ESPNL: variants seen among roughly 807,000 people sequenced by gnomAD.
The protein encoded by ESPNL is espin like, also known as espin-like protein.
A neutral mutation model predicts 46.8 loss-of-function variants in ESPNL; 49 were observed. The observed-to-expected ratio is 1.05, with a 90% CI of 0.83 to 1.33. The LOEUF (loss-of-function observed/expected upper bound fraction) is 1.33. ESPNL is among the 40% of genes most tolerant of loss of function. The pLI is 0.00. For missense variants in ESPNL, 1,540 were observed against 1,436.6 expected (o/e 1.07, Z -1.16); for synonymous variants, 664 against 662.1 (o/e 1.00, Z -0.04).
rs1691555008 is a variant in ESPNL, at chr2:238,104,663, A to T, written c.493A>T (p.Asn165Tyr). The change falls in exon 3 of 9, where the codon AAC becomes TAC. Residue 165 changes from asparagine (N) to tyrosine (Y), a missense_variant. Transcript: ENST00000343063. ...LLTAAHGSSV[N>Y]RRTRSGASPL... ...ACCCTCCCTTCCCTGCAGCAGCGTG[A>T]ACCGGCGGACACGCAGTGGCGCCTC... 6.3e-7 allele frequency: 1 copy of T among 1,589,362 alleles called. No homozygotes were observed. The highest frequency in any genetic ancestry group is 1.7e-5 in the Admixed American group (1 of 58,274).
At position 238,130,366 on chromosome 2, in the gene ESPNL, A is replaced by G; in HGVS notation, c.1652A>G (p.Asn551Ser). ...LPEPLVSITVNSHFLPRAPGL... is the reference protein window; with the variant it reads ...LPEPLVSITVSSHFLPRAPGL... ...GAGCCCCTGGTCAGCATCACGGTCA[A>G]CAGCCACTTCCTGCCCCGGGCGCCC... Residue 551 changes from asparagine (N) to serine (S), a missense_variant, in exon 9 of 9, where the codon AAC becomes AGC. Coordinates refer to ENST00000343063, the MANE Select transcript of ESPNL (RefSeq NM_194312.4). 1.2e-6 allele frequency: 2 copies of G among 1,610,326 alleles called. No individual in the cohort carries two copies. The highest frequency in any genetic ancestry group is 2.2e-5 in the South Asian group (2 of 90,768).
At chr2:238,115,786 C>T (rs909852799) in intron 4 of ESPNL, among the ~76,000 whole-genome samples, 14 of 152,344 alleles carry the variant, frequency 9.2e-5, no homozygotes, top group Middle Eastern at 3.4e-3. Context: ...AATTCTCCTG[C>T]CTCAGCCTCC....
At chr2:238,108,990 G>A (rs1410037459) in intron 4 of ESPNL, among the ~76,000 whole-genome samples, 4 of 152,198 alleles carry the variant, frequency 2.6e-5, no homozygotes, top group South Asian at 4.2e-4. Context: ...CCCAGCTACC[G>A]CCCTTCCTCT....
intron 7 of ESPNL, 99 bp downstream of exon 7, chr2:238,127,833 C>A: frequency 1.1e-6 from 1 of 916,664 alleles, no homozygotes; most frequent in Non-Finnish European, 1.7e-6. Context: ...CACAGCCAGG[C>A]CTTTCCTGAA....
At position 238,107,986 on chromosome 2, in the gene ESPNL, T is replaced by C; in HGVS notation, c.855+13T>C. 6.2e-7 allele frequency: 1 copy of C among 1,602,968 alleles called. No homozygotes were observed. The highest frequency in any genetic ancestry group is 1.7e-5 in the Admixed American group (1 of 59,074). The stretch of plus-strand genomic sequence containing the variant: ...CGGGCAGATGGAGGTAAGGTGGGCG[T>C]GAGGGAGACAGGGTGAGCAGTCACA... On this transcript the variant is annotated intron_variant, in intron 4 of 8. Coordinates refer to ENST00000343063, the MANE Select transcript of ESPNL (RefSeq NM_194312.4).
At position 238,125,327 on chromosome 2, in the gene ESPNL, A is replaced by T; in HGVS notation, c.1045A>T (p.Thr349Ser). ...PPFPPPPLLA[T>S]RRSLEDGRRG... ...GTTCCCCCCACCTCCACTGTTGGCC[A>T]CGAGGCGCTCCCTGGAGGATGGAAG... is the stretch of plus-strand genomic sequence containing the variant. The change falls in exon 6 of 9, where the codon ACG (threonine) becomes TCG (serine). Residue 349 changes from threonine to serine, a missense_variant. Physicochemically the swap from Thr to Ser is moderately conservative, Grantham distance 58. Coordinates refer to ENST00000343063, the MANE Select transcript of ESPNL (RefSeq NM_194312.4). The T allele has an allele frequency of 6.4e-7, 1 of 1,574,150 alleles. No homozygotes were observed. The highest frequency in any genetic ancestry group is 8.6e-7 in the Non-Finnish European group (1 of 1,160,284).
intron 6 of ESPNL, chr2:238,127,346 T>C (rs1036321673): frequency 7.9e-7 from 1 of 1,257,898 alleles, no homozygotes; most frequent in African/African-American, 1.6e-5. Context: ...CTCAAGCCCT[T>C]CCCAGCTCCT....
chr2:238,106,216 G>A (rs906651880), intron 3 of ESPNL, among the ~76,000 whole-genome samples: 3 of 152,208 alleles, frequency 2.0e-5, no homozygotes, highest in Non-Finnish European at 4.4e-5. Context: ...AGTCAGGCTC[G>A]GGAGATGTTT....
intron 6 of ESPNL, among the ~76,000 whole-genome samples, chr2:238,126,034 CTG>C (rs1201034975): frequency 7.2e-6 from 1 of 138,864 alleles, no homozygotes; most frequent in African/African-American, 2.6e-5. Flanking sequence ...GTCTGTGTGT[CTG>C]TGTGATTATG....
chr2:238,127,580 C>A, intron 6 of ESPNL, 42 bp from the exon 7 acceptor site: 1 of 1,546,224 alleles, frequency 6.5e-7, no homozygotes, highest in Non-Finnish European at 8.7e-7. Flanking sequence ...CTCTGCTCCC[C>A]AGCCCTTGCC....
chr2:238,118,392 G>GGATGGGGGGA (rs1559263310), intron 5 of ESPNL, among the ~76,000 whole-genome samples: 2 of 105,786 alleles, frequency 1.9e-5, no homozygotes, highest in Admixed American at 8.5e-5. Context: ...GGAGAAGGGT[G>GGATGGGGGGA]GATGGAAGAG....
intron 6 of ESPNL, chr2:238,127,373 G>A: frequency 7.8e-7 from 1 of 1,281,946 alleles, no homozygotes; most frequent in East Asian, 3.3e-5. Flanking sequence ...CTGCAGGAGG[G>A]GCCGCGGCGT....
intron 3 of ESPNL, among the ~76,000 whole-genome samples, chr2:238,106,788 C>T (rs1353814771): frequency 6.6e-6 from 1 of 152,234 alleles, no homozygotes; most frequent in East Asian, 1.9e-4. Context: ...AGCGGCCTTC[C>T]TGGGGAGAAA....
intron 5 of ESPNL, among the ~76,000 whole-genome samples, chr2:238,121,182 G>A (rs909366595): frequency 1.3e-5 from 2 of 152,174 alleles, no homozygotes; most frequent in African/African-American, 4.8e-5. Flanking sequence ...GGCTGCCCTC[G>A]AGGCAGGCCC....
chr2:238,125,951 G>A lies in ESPNL; in HGVS notation c.1102+567G>A, dbSNP rs538283697. ...TTCTGTGTGTGATACACATAGATAC[G>A]GGGACCCTTCTCTGTGTGTGATTGT... On this transcript the variant is annotated intron_variant, in intron 6 of 8. Coordinates refer to ENST00000343063, the MANE Select transcript of ESPNL (RefSeq NM_194312.4). Among the ~76,000 whole-genome samples, 10 of 151,962 alleles carry A rather than the reference G, an allele frequency of 6.6e-5. No individual in the cohort carries two copies. The South Asian group carries it at 8.3e-4, about 13-fold the overall frequency.
chr2:238,111,411 G>A (rs1032444614), intron 4 of ESPNL, among the ~76,000 whole-genome samples: 1 of 152,162 alleles, frequency 6.6e-6, no homozygotes, highest in Admixed American at 6.5e-5. Flanking sequence ...GCAAAACTGA[G>A]ACGCTATGGC....
At position 238,131,559 on chromosome 2, in the gene ESPNL, G is replaced by C. The variant is rs757439212; in HGVS notation, c.2845G>C (p.Gly949Arg). 2 of 1,610,996 alleles carry C rather than the reference G, an allele frequency of 1.2e-6. No individual in the cohort carries two copies. The highest frequency in any genetic ancestry group is 1.7e-6 in the Non-Finnish European group (2 of 1,179,006). ...PGRKSGLTLL[G>R]PLPHAAVPCS... Reference sequence around the variant, plus strand: ...CCGCAAGTCAGGTCTGACCCTGCTCGGGCCCCTGCCTCACGCCGCCGTCCC... The same window carrying C: ...CCGCAAGTCAGGTCTGACCCTGCTCCGGCCCCTGCCTCACGCCGCCGTCCC... Residue 949 changes from glycine (G) to arginine (R), a missense_variant, in exon 9 of 9, where the codon GGG becomes CGG. Coordinates refer to ENST00000343063, the MANE Select transcript of ESPNL (RefSeq NM_194312.4).
At chr2:238,106,880 G>A (rs1691610140) in intron 3 of ESPNL, among the ~76,000 whole-genome samples, 1 of 152,232 alleles carries the variant, frequency 6.6e-6, no homozygotes, top group African/African-American at 2.4e-5. Flanking sequence ...CCCTGTCTCT[G>A]TTTCCAGCTC....
intron 2 of ESPNL, 142 bp from the exon 3 acceptor site, chr2:238,104,514 A>T (rs1691551251): frequency 1.0e-6 from 1 of 959,620 alleles, no homozygotes; most frequent in Non-Finnish European, 1.5e-6. Flanking sequence ...GGAGGGGGGA[A>T]CCCCGCAGCA....
Sources: gnomAD v4.1 joint callset for allele counts (sites outside exome capture counted in the v4.1 genomes callset) on GRCh38, gnomAD v4.1.1 for gene constraint, MANE v1.5 for transcripts, NCBI Gene and HGNC (gene_info 2026-07-23, HGNC 2026-07-21) for gene names.